The following UNC5B variants were observed in gnomAD, a reference collection of about 807,000 sequenced individuals.
The protein encoded by UNC5B is unc-5 netrin receptor B.
UNC5B carries 56 observed loss-of-function variants against 103.7 expected under a neutral mutation model. That is an observed-to-expected ratio of 0.54 (90% CI 0.44 to 0.67). The LOEUF is 0.67. Ranked by LOEUF, UNC5B falls within the 30% of genes least tolerant of loss-of-function variation. The pLI is 0.00. For synonymous variants in UNC5B, 577 were observed against 542.0 expected, an observed-to-expected ratio of 1.06 and a Z score of -0.90; for missense variants, 1,194 against 1,284.5, an observed-to-expected ratio of 0.93 and a Z score of 1.08.
chr10:71,279,745 GC>G, intron 1 of UNC5B, 75 bp from the exon 2 acceptor site: 2 of 1,482,946 alleles, frequency 1.3e-6, no homozygotes, highest in Non-Finnish European at 1.8e-6. Context: ...TCTGCGGTGG[GC>G]CCCCGGGGTG....
chr10:71,253,408 T>C (rs934164633), intron 1 of UNC5B, among the ~76,000 whole-genome samples: 1 of 152,234 alleles, frequency 6.6e-6, no homozygotes, highest in Non-Finnish European at 1.5e-5. Context: ...GCAGTGCAGC[T>C]TCCTGGGAAT....
intron 1 of UNC5B, among the ~76,000 whole-genome samples, chr10:71,272,496 C>A (rs748852591): frequency 1.3e-5 from 2 of 152,136 alleles, no homozygotes; most frequent in Admixed American, 1.3e-4. Flanking sequence ...GAAGTGGACC[C>A]GGCTGAGATG....
rs757788257 is a variant in UNC5B at position 71,284,742 on chromosome 10, G to A, written c.327G>A (p.Gln109=). The change falls in exon 3 of 17, where the codon CAG becomes CAA. Residue 109 remains glutamine, a synonymous_variant. Coordinates refer to ENST00000335350, the MANE Select transcript of UNC5B (RefSeq NM_170744.5). ...CAGGCCTGCGGGTGCGCGAGGTGCA[G>A]ATCGAGGTGTCGCGGCAGCAGGTGG... ...EATGLRVREV[Q]IEVSRQQVEE... The A allele has an allele frequency of 6.2e-7, 1 of 1,613,988 alleles. No homozygotes were observed.
At chr10:71,282,392 G>A (rs763284030) in intron 2 of UNC5B, among the ~76,000 whole-genome samples, 3 of 152,196 alleles carry the variant, frequency 2.0e-5, no homozygotes, top group Non-Finnish European at 2.9e-5. Flanking sequence ...CTGGGAGACC[G>A]AAGGTCCCTG....
At chr10:71,214,947 A>G (rs753255428) in intron 1 of UNC5B, among the ~76,000 whole-genome samples, 3 of 152,190 alleles carry the variant, frequency 2.0e-5, no homozygotes, top group Non-Finnish European at 4.4e-5. Flanking sequence ...CGGTGTTGGA[A>G]TTGTGCTCAT....
Position 71,292,391 on chromosome 10 carries a change from C to G in UNC5B, c.1685-76C>G, listed in dbSNP as rs116602368. On this transcript the variant is annotated intron_variant, in intron 10 of 16. Coordinates refer to ENST00000335350, the MANE Select transcript of UNC5B (RefSeq NM_170744.5). Reference sequence around the variant, plus strand: ...CAGGAGATATCTTTCTCTCCCAGCCCCAAGCTGGGGCCAACTTCCCAAACA... The same window carrying G: ...CAGGAGATATCTTTCTCTCCCAGCCGCAAGCTGGGGCCAACTTCCCAAACA... 4,052 of 1,325,456 alleles carry G rather than the reference C, an allele frequency of 3.1e-3. 101 individuals are homozygous for G. In the African/African-American group the frequency reaches 0.049, roughly 16 times the overall value. 82.1% of individuals were successfully genotyped at this position (1,325,456 alleles called of 1,614,324 possible).
chr10:71,247,026 G>A (rs897058204), intron 1 of UNC5B, among the ~76,000 whole-genome samples: 3 of 152,146 alleles, frequency 2.0e-5, no homozygotes, highest in South Asian at 2.1e-4. Flanking sequence ...GAATGTCAGC[G>A]CCAGGAGCTT....
intron 1 of UNC5B, among the ~76,000 whole-genome samples, chr10:71,273,136 G>A (rs1315830913): frequency 1.3e-5 from 2 of 152,376 alleles, no homozygotes; most frequent in East Asian, 1.9e-4. Context: ...TGATCCGCCC[G>A]CCTTGGACTT....
Position 71,289,205 on chromosome 10 carries a change from C to T in UNC5B, c.1099+215C>T, listed in dbSNP as rs201830834. Among the ~76,000 whole-genome samples the T allele has an allele frequency of 2.0e-5, 3 of 152,306 alleles. No homozygotes were observed. The East Asian group carries it at 5.8e-4, about 29-fold the overall frequency. ...GACAGAAAAGAAAGGCCTTAGGGCA[C>T]CCTACTGAGCCTCCTCTCATAAGAG... On this transcript the variant is annotated intron_variant, in intron 8 of 16. Transcript: ENST00000335350.
intron 1 of UNC5B, among the ~76,000 whole-genome samples, chr10:71,222,183 C>G (rs1026990816): frequency 6.6e-6 from 1 of 151,966 alleles, no homozygotes; most frequent in African/African-American, 2.4e-5. Context: ...AGAGTGTGGC[C>G]CTGGTAGGGG....
intron 4 of UNC5B, among the ~76,000 whole-genome samples, chr10:71,286,207 G>A (rs1845074763): frequency 6.6e-6 from 1 of 152,230 alleles, no homozygotes; most frequent in Admixed American, 6.5e-5. Context: ...TGAGGCAGCT[G>A]GTGAGTGGCA....
At chr10:71,256,011 G>A (rs867296109) in intron 1 of UNC5B, among the ~76,000 whole-genome samples, 5 of 152,206 alleles carry the variant, frequency 3.3e-5, no homozygotes, top group East Asian at 1.9e-4. Flanking sequence ...TCGGTTGGGC[G>A]GGGGCATGTT....
intron 1 of UNC5B, among the ~76,000 whole-genome samples, chr10:71,269,266 G>A (rs1844590167): frequency 6.6e-6 from 1 of 151,292 alleles, no homozygotes; most frequent in Non-Finnish European, 1.5e-5. Flanking sequence ...ATTGTTTACA[G>A]TGAGGCTACT....
intron 1 of UNC5B, among the ~76,000 whole-genome samples, chr10:71,225,510 G>T (rs1385198946): frequency 1.3e-5 from 2 of 152,210 alleles, no homozygotes; most frequent in African/African-American, 2.4e-5. Context: ...CCAGAGCGGA[G>T]GAGGCCCGGG....
At position 71,213,728 on chromosome 10, in the gene UNC5B, A is replaced by AGAGTGTGT. The variant is rs144371231; in HGVS notation, c.79+665_79+666insAGTGTGTG. Among the ~76,000 whole-genome samples, 31 of 131,470 alleles carry AGAGTGTGT rather than the reference A, an allele frequency of 2.4e-4. No individual in the cohort carries two copies. Among genetic ancestry groups the AGAGTGTGT allele is most frequent in the African/African-American group, 7.9e-4 (27 of 34,256 alleles). 86.2% of individuals were successfully genotyped at this position (131,470 alleles called of 152,430 possible). A position where few individuals can be genotyped will look rare whatever the true frequency, so the allele number is the denominator to read the frequency against. ...ATTATTAATTTTCTGAGTGTTGGAGAGTGTGTGTGTGTGTGTGTGTGTGTG... is the reference window on the plus strand; with the variant it reads ...ATTATTAATTTTCTGAGTGTTGGAGAGAGTGTGTGTGTGTGTGTGTGTGTGTGTGTGTG... On this transcript the variant is annotated intron_variant, in intron 1 of 16. Coordinates refer to ENST00000335350, the MANE Select transcript of UNC5B (RefSeq NM_170744.5). The surrounding 1 kb of genome is among the most constrained non-coding windows in gnomAD (Gnocchi z 4.1).
At chr10:71,226,281 G>T (rs1168886161) in intron 1 of UNC5B, among the ~76,000 whole-genome samples, 1 of 152,124 alleles carries the variant, frequency 6.6e-6, no homozygotes, top group Non-Finnish European at 1.5e-5. Context: ...CACCAAGTTG[G>T]CCAGGCTGGT....
chr10:71,277,379 G>A (rs2132296213), intron 1 of UNC5B, among the ~76,000 whole-genome samples: 1 of 152,358 alleles, frequency 6.6e-6, no homozygotes, highest in Admixed American at 6.5e-5. Flanking sequence ...GGCCTCTTGA[G>A]TCTGAAGGCA....
chr10:71,227,126 A>T (rs1253401585), intron 1 of UNC5B, among the ~76,000 whole-genome samples: 1 of 152,048 alleles, frequency 6.6e-6, no homozygotes, highest in Non-Finnish European at 1.5e-5. Context: ...CTGGAATTAG[A>T]GGTGTGTGCC....
intron 1 of UNC5B, among the ~76,000 whole-genome samples, chr10:71,234,681 C>T (rs1479353597): frequency 2.0e-5 from 3 of 152,206 alleles, no homozygotes; most frequent in African/African-American, 7.2e-5. Context: ...TGTGGGGTTT[C>T]ATCCCCATTC....
Sources: gnomAD v4.1 joint callset for allele counts (sites outside exome capture counted in the v4.1 genomes callset) on GRCh38, gnomAD v4.1.1 for gene constraint, Gnocchi (gnomAD v3.1) non-coding constraint, MANE v1.5 for transcripts, NCBI Gene and HGNC (gene_info 2026-07-23, HGNC 2026-07-21) for gene names.